The following REDIC1 variants were observed in gnomAD, a reference collection of about 807,000 sequenced individuals.
REDIC1 encodes HEI10 Interacting Protein 1.
At chr12:39,848,484 C>T in the REDIC1 span, among the ~76,000 whole-genome samples, 1 of 152,214 alleles carries the variant, frequency 6.6e-6, no homozygotes, top group African/African-American at 2.4e-5. Context: ...AACCATCTCA[C>T]ACCAGTCAGA....
chr12:39,754,448 T>C, the REDIC1 span: 2 of 152,126 alleles, frequency 1.3e-5, no homozygotes, highest in African/African-American at 4.8e-5. Context: ...CTGTAAGCCT[T>C]TGAATGACAG....
the REDIC1 span, among the ~76,000 whole-genome samples, chr12:39,893,094 G>T: frequency 6.6e-6 from 1 of 152,012 alleles, no homozygotes; most frequent in East Asian, 1.9e-4. Context: ...TTCCTATTGA[G>T]AAAACTAATC....
the REDIC1 span, among the ~76,000 whole-genome samples, chr12:39,683,962 T>C: frequency 6.6e-6 from 1 of 152,292 alleles, no homozygotes; most frequent in Admixed American, 6.5e-5. Context: ...ATCAGCAGTT[T>C]ATAGGACAGT....
the REDIC1 span, among the ~76,000 whole-genome samples, chr12:39,688,462 C>T: frequency 6.6e-6 from 1 of 152,090 alleles, no homozygotes; most frequent in Admixed American, 6.6e-5. Flanking sequence ...TTGTTTCATT[C>T]TAGTTATTGT....
At chr12:39,713,425 TATATATGTGTACATATACATATGTATAC>T in the REDIC1 span, among the ~76,000 whole-genome samples, 12 of 9,908 alleles carry the variant, frequency 1.2e-3, no homozygotes, top group Non-Finnish European at 5.0e-3. Flanking sequence ...TATACATATG[TATATATGTGTACATATACATATGTATAC>T]ATACATTTGT....
the REDIC1 span, among the ~76,000 whole-genome samples, chr12:39,632,872 C>G: frequency 1.3e-5 from 2 of 152,016 alleles, no homozygotes; most frequent in Non-Finnish European, 2.9e-5. Context: ...TGAATGGAGC[C>G]TGCAGTACTG....
chr12:39,774,993 A>C, the REDIC1 span, among the ~76,000 whole-genome samples: 1 of 152,196 alleles, frequency 6.6e-6, no homozygotes, highest in Admixed American at 6.5e-5. Flanking sequence ...TTTGGAAAGA[A>C]ATTTGGCAAT....
At chr12:39,767,130 A>T in the REDIC1 span, among the ~76,000 whole-genome samples, 1 of 152,024 alleles carries the variant, frequency 6.6e-6, no homozygotes, top group South Asian at 2.1e-4. Context: ...GCCTTATGAA[A>T]TGCATTTTTT....
At chr12:39,829,085 GA>G in the REDIC1 span, among the ~76,000 whole-genome samples, 1 of 136,360 alleles carries the variant, frequency 7.3e-6, no homozygotes, top group Non-Finnish European at 1.7e-5. Context: ...CAAGATAAGA[GA>G]ATATTCTTTT....
chr12:39,857,231 C>G, the REDIC1 span, among the ~76,000 whole-genome samples: 76 of 152,228 alleles, frequency 5.0e-4, no homozygotes, highest in East Asian at 9.8e-3. Flanking sequence ...TGAAAATTAC[C>G]TTTCAAATAA....
chr12:39,792,635 C>A, the REDIC1 span, among the ~76,000 whole-genome samples: 5 of 152,030 alleles, frequency 3.3e-5, no homozygotes, highest in South Asian at 2.1e-4. Context: ...CTGTGGATAC[C>A]AAAACCCACA....
the REDIC1 span, among the ~76,000 whole-genome samples, chr12:39,702,135 A>T: frequency 6.6e-6 from 1 of 152,344 alleles, no homozygotes; most frequent in South Asian, 2.1e-4. Flanking sequence ...CCTTCAAAAA[A>T]TTAATGAATT....
At chr12:39,736,810 C>T in the REDIC1 span, 1 of 152,198 alleles carries the variant, frequency 6.6e-6, no homozygotes, top group African/African-American at 2.4e-5. Context: ...CAAAGATTGA[C>T]AGTAAGATGC....
chr12:39,656,298 A>G, the REDIC1 span, among the ~76,000 whole-genome samples: 1 of 152,194 alleles, frequency 6.6e-6, no homozygotes, highest in South Asian at 2.1e-4. Context: ...TCAGTCAACA[A>G]TGAATGGCAT....
the REDIC1 span, among the ~76,000 whole-genome samples, chr12:39,654,068 T>C: frequency 6.6e-6 from 1 of 152,004 alleles, no homozygotes; most frequent in East Asian, 1.9e-4. Flanking sequence ...ATGATGTTGT[T>C]TTTTTTAAGT....
the REDIC1 span, among the ~76,000 whole-genome samples, chr12:39,786,170 AG>A: frequency 6.6e-6 from 1 of 152,152 alleles, no homozygotes; most frequent in Non-Finnish European, 1.5e-5. Context: ...TCTCAACTTG[AG>A]GTATATCTCC....
At chr12:39,634,023 G>C in the REDIC1 span, among the ~76,000 whole-genome samples, 1 of 152,192 alleles carries the variant, frequency 6.6e-6, no homozygotes, top group Non-Finnish European at 1.5e-5. Context: ...ACTTTGGGCA[G>C]TATGACCATT....
At chr12:39,701,863 C>T in the REDIC1 span, among the ~76,000 whole-genome samples, 1 of 151,902 alleles carries the variant, frequency 6.6e-6, no homozygotes, top group Non-Finnish European at 1.5e-5. Context: ...GAAATGAAGG[C>T]AGAAATAAAG....
At chr12:39,717,402 T>C in the REDIC1 span, among the ~76,000 whole-genome samples, 1 of 152,064 alleles carries the variant, frequency 6.6e-6, no homozygotes, top group East Asian at 1.9e-4. Flanking sequence ...AAAACGTTAC[T>C]AAGGAAATCT....
Sources: gnomAD v4.1 joint callset for allele counts (sites outside exome capture counted in the v4.1 genomes callset) on GRCh38, gnomAD v4.1.1 for gene constraint, MANE v1.5 for transcripts, NCBI Gene and HGNC (gene_info 2026-07-23, HGNC 2026-07-21) for gene names.